STRN3: variants seen among roughly 807,000 people sequenced by gnomAD.
The protein encoded by STRN3 is striatin 3.
In STRN3, 29 loss-of-function variants were observed where a neutral mutation model predicts 95.6. That is an observed-to-expected ratio of 0.30 (90% CI 0.23 to 0.41). The LOEUF (loss-of-function observed/expected upper bound fraction) is 0.41. Among genes scored for constraint, STRN3 ranks in the 10% least tolerant of loss-of-function variants. STRN3 has a pLI of 1.00. For synonymous variants in STRN3, 331 were observed against 357.6 expected, an observed-to-expected ratio of 0.93 and a Z score of 0.84; for missense variants, 890 against 972.1, an observed-to-expected ratio of 0.92 and a Z score of 1.12.
At chr14:30,966,188 G>T (rs994384044) in intron 1 of STRN3, among the ~76,000 whole-genome samples, 1 of 150,390 alleles carries the variant, frequency 6.6e-6, no homozygotes, top group South Asian at 2.1e-4. Flanking sequence ...AACCCTAGCC[G>T]ACAGGGGAAC....
Position 31,017,801 on chromosome 14 carries a change from G to A in STRN3, c.282+8103C>T, listed in dbSNP as rs115060599. 2.5e-3 allele frequency among the ~76,000 whole-genome samples: 387 copies of A among 152,162 alleles called. 1 individual carries two copies. Among genetic ancestry groups the A allele is most frequent in the African/African-American group, 9.0e-3 (374 of 41,512 alleles). On this transcript the variant is annotated intron_variant, in intron 1 of 17. Transcript: ENST00000357479. ...GAGCATACACAGTTATTTAGGCTGC[G>A]CACGGTGGCTCACACCTGAAATCCC... is the stretch of plus-strand genomic sequence containing the variant.
In STRN3 at chr14:30,905,471, T is replaced by C; in HGVS notation, c.1976A>G (p.Tyr659Cys). Residue 659 changes from tyrosine to cysteine, a missense_variant, in exon 15 of 18, where the codon TAT becomes TGT. Tyr to Cys is a radical substitution (Grantham distance 194). This residue lies in a region of STRN3 where 357 missense variants were observed against 422.8 expected (regional missense o/e 0.84). Transcript: ENST00000357479. Reference protein sequence around the residue: ...TSFNTGSAVIYDLETSQSLVI... With the variant: ...TSFNTGSAVICDLETSQSLVI... ...CAATGACTGTGATGTTTCTAAATCA[T>C]AAATTACTGCACTACCAGTGTTGAA... The C allele has an allele frequency of 1.2e-6, 2 of 1,609,346 alleles. No homozygotes were observed. The highest frequency in any genetic ancestry group is 1.1e-5 in the South Asian group (1 of 89,304).
intron 8 of STRN3, among the ~76,000 whole-genome samples, chr14:30,927,365 TA>T (rs1349508322): frequency 6.6e-6 from 1 of 151,910 alleles, no homozygotes; most frequent in Non-Finnish European, 1.5e-5. Context: ...ATACTTTTTT[TA>T]ATTAAAAAAA....
intron 1 of STRN3, among the ~76,000 whole-genome samples, chr14:30,979,284 A>C (rs1419462892): frequency 1.3e-5 from 2 of 152,174 alleles, no homozygotes; most frequent in Non-Finnish European, 2.9e-5. Context: ...GGAAACATTT[A>C]AAAAGTATAT....
At chr14:31,018,464 A>T in intron 1 of STRN3, 1 of 420,552 alleles carries the variant, frequency 2.4e-6, no homozygotes, top group Non-Finnish European at 4.7e-6. Flanking sequence ...CCTCCTCCTG[A>T]CTGTCACCGT....
intron 1 of STRN3, among the ~76,000 whole-genome samples, chr14:30,960,725 C>T (rs1020946493): frequency 1.7e-4 from 26 of 151,814 alleles, no homozygotes; most frequent in South Asian, 1.7e-3. Context: ...AAAAATTAGC[C>T]GGGCGTGGTG....
chr14:30,904,081 C>A (rs1263051272), intron 15 of STRN3, among the ~76,000 whole-genome samples: 1 of 152,174 alleles, frequency 6.6e-6, no homozygotes, highest in Non-Finnish European at 1.5e-5. Context: ...GCCATGAAGA[C>A]CATGAGGATC....
intron 1 of STRN3, 73 bp from the exon 2 acceptor site, chr14:30,956,315 A>C: frequency 7.2e-7 from 1 of 1,381,182 alleles, no homozygotes; most frequent in Non-Finnish European, 1.0e-6. Context: ...ATGGAAAACG[A>C]TAAACACAAA....
At chr14:30,921,096 ACACACACACACTTC>A (rs1896872330) in intron 8 of STRN3, among the ~76,000 whole-genome samples, 1 of 145,280 alleles carries the variant, frequency 6.9e-6, no homozygotes, top group Non-Finnish European at 1.5e-5. Flanking sequence ...ACACACACAC[ACACACACACACTTC>A]CTTATCTTCT....
chr14:30,941,291 A>G (rs934302664), intron 5 of STRN3, among the ~76,000 whole-genome samples: 4 of 152,214 alleles, frequency 2.6e-5, no homozygotes, highest in Non-Finnish European at 5.9e-5. Flanking sequence ...ACACAGGCCC[A>G]GCCATTTCAC....
intron 16 of STRN3, among the ~76,000 whole-genome samples, chr14:30,896,989 A>G (rs1428448146): frequency 6.6e-6 from 1 of 152,234 alleles, no homozygotes; most frequent in East Asian, 1.9e-4. Flanking sequence ...AGCATTATAA[A>G]CTGATTCACT....
chr14:31,003,818 C>CTT (rs150146769), intron 1 of STRN3, among the ~76,000 whole-genome samples: 12,428 of 70,702 alleles, frequency 0.18, 803 homozygotes, highest in South Asian at 0.41. Flanking sequence ...AAAAAAAAAA[C>CTT]TTGGTAGCAA....
chr14:30,953,695 A>G (rs1879763439), intron 3 of STRN3, among the ~76,000 whole-genome samples: 1 of 152,180 alleles, frequency 6.6e-6, no homozygotes, highest in Non-Finnish European at 1.5e-5. Flanking sequence ...AGTGGTGTGA[A>G]CAAAATTCAC....
chr14:30,904,975 AAAG>A (rs1238463991), intron 15 of STRN3, among the ~76,000 whole-genome samples: 2 of 151,732 alleles, frequency 1.3e-5, no homozygotes, highest in South Asian at 2.1e-4. Context: ...AAAAAAAAAA[AAAG>A]AACATAAAAG....
At chr14:30,929,973 A>AAAAAAAAAAAAAAAC (rs1878443131) in intron 7 of STRN3, among the ~76,000 whole-genome samples, 1 of 149,816 alleles carries the variant, frequency 6.7e-6, no homozygotes, top group Admixed American at 6.6e-5. Context: ...AAAAAAAAAA[A>AAAAAAAAAAAAAAAC]AAAAAACTCA....
At chr14:30,907,943 C>T (rs1896508860) in intron 13 of STRN3, among the ~76,000 whole-genome samples, 1 of 152,150 alleles carries the variant, frequency 6.6e-6, no homozygotes, top group African/African-American at 2.4e-5. Flanking sequence ...ACCTCTCTTC[C>T]TCATGAATGA....
chr14:31,020,485 C>T (rs179731), intron 1 of STRN3, among the ~76,000 whole-genome samples: 99,272 of 151,112 alleles, frequency 0.66, 33,192 homozygotes, highest in Non-Finnish European at 0.73. Context: ...AGTGACAGAG[C>T]GAAAACTGTC....
At chr14:30,980,957 A>G (rs566912214) in intron 1 of STRN3, among the ~76,000 whole-genome samples, 1 of 152,256 alleles carries the variant, frequency 6.6e-6, no homozygotes, top group African/African-American at 2.4e-5. Flanking sequence ...AGCAACATAC[A>G]GGCGAATTCA....
In STRN3 at chr14:30,938,089, TTTAA is replaced by T. The variant is rs1033939530; in HGVS notation, c.717-1469_717-1466del. On this transcript the variant is annotated intron_variant, in intron 5 of 17. Coordinates refer to ENST00000357479, the MANE Select transcript of STRN3 (RefSeq NM_001083893.2). ...TTTTTAAATTTGTATTATTTTATTT[TTTAA>T]TTGTCGTTTTTTTTTTCAATGTGGT... 3.3e-5 allele frequency among the ~76,000 whole-genome samples: 5 copies of T among 149,390 alleles called. No individual in the cohort carries two copies. In the East Asian group the frequency reaches 6.2e-4, roughly 19 times the overall value.
Sources: gnomAD v4.1 joint callset for allele counts (sites outside exome capture counted in the v4.1 genomes callset) on GRCh38, gnomAD v4.1.1 for gene constraint, gnomAD v4.1.1 regional missense constraint, MANE v1.5 for transcripts, NCBI Gene and HGNC (gene_info 2026-07-23, HGNC 2026-07-21) for gene names.